Variants in PRDM4 observed in about 807,000 individuals in gnomAD.
The protein encoded by PRDM4 is PR domain zinc finger protein 4.
PRDM4 carries 38 observed loss-of-function variants against 62.3 expected under a neutral mutation model. The observed-to-expected ratio is 0.61, with a 90% CI of 0.47 to 0.80. The LOEUF (loss-of-function observed/expected upper bound fraction) is 0.80, where lower values mean the gene tolerates loss of function less well. PRDM4 is among the 30% of genes least tolerant of loss of function. The probability of loss-of-function intolerance (pLI) is 0.00; values close to 1 mark genes in which losing one functional copy is unlikely to be tolerated. For missense variants in PRDM4, 858 were observed against 997.1 expected (o/e 0.86, Z 1.88); for synonymous variants, 339 against 348.2 (o/e 0.97, Z 0.30).
chr12:107,737,917 G>A (rs1470669889), intron 11 of PRDM4: 1 of 152,238 alleles, frequency 6.6e-6, no homozygotes, highest in African/African-American at 2.4e-5. Flanking sequence ...AAGGCAATTA[G>A]GGTTAGATGA....
intron 4 of PRDM4, among the ~76,000 whole-genome samples, chr12:107,753,263 G>A (rs1318775591): frequency 6.6e-6 from 1 of 152,048 alleles, no homozygotes; most frequent in Non-Finnish European, 1.5e-5. Context: ...TCTCAAGGCA[G>A]GCATGTGCCT....
intron 9 of PRDM4, 25 bp downstream of exon 9, chr12:107,742,196 T>G (rs764286171): frequency 6.3e-7 from 1 of 1,597,626 alleles, no homozygotes; most frequent in East Asian, 2.2e-5. Context: ...TAAGCCAGAT[T>G]CATTATAAAC....
At chr12:107,755,812 C>T (rs991400378) in intron 3 of PRDM4, among the ~76,000 whole-genome samples, 4 of 152,164 alleles carry the variant, frequency 2.6e-5, no homozygotes, top group South Asian at 2.1e-4. Context: ...ACGGCTGGCG[C>T]GGTGGCTCAC....
intron 9 of PRDM4, 125 bp from the exon 10 acceptor site, chr12:107,741,385 A>C (rs1184215504): frequency 1.1e-6 from 1 of 893,806 alleles, no homozygotes; most frequent in Admixed American, 2.8e-5. Context: ...CTTCCTATAA[A>C]ACTAAAATAA....
intron 5 of PRDM4, among the ~76,000 whole-genome samples, chr12:107,748,556 C>A (rs899936575): frequency 1.3e-5 from 2 of 152,090 alleles, no homozygotes; most frequent in Admixed American, 1.3e-4. Context: ...CAGTATTATG[C>A]GAAGAGAAAG....
At chr12:107,736,999 A>G (rs1890354208) in intron 11 of PRDM4, 1 of 152,312 alleles carries the variant, frequency 6.6e-6, no homozygotes, top group Non-Finnish European at 1.5e-5. Context: ...CCTAGCGAAC[A>G]TCCAGCATCA....
rs1890909885 is a variant in PRDM4 at position 107,751,971 on chromosome 12, T to C, written c.570A>G (p.Thr190=). The change falls in exon 5 of 12, where the codon ACA becomes ACG. Residue 190 remains threonine, a synonymous_variant. Coordinates refer to ENST00000228437, the MANE Select transcript of PRDM4 (RefSeq NM_012406.4). ...TAGAAACGTTCTCCATAGTGATTGC[T>C]GTGTCCAAGGCCACCTCATGGCCAT... ...PSDGHEVALD[T]AITMENVSRV... is the part of the protein sequence containing the mutation. 6.2e-7 allele frequency: 1 copy of C among 1,614,264 alleles called. No homozygotes were observed. Among genetic ancestry groups the C allele is most frequent in the Non-Finnish European group, 8.5e-7 (1 of 1,180,050 alleles).
At chr12:107,759,531 G>C (rs1392530611) in intron 2 of PRDM4, among the ~76,000 whole-genome samples, 1 of 152,020 alleles carries the variant, frequency 6.6e-6, no homozygotes, top group Non-Finnish European at 1.5e-5. Flanking sequence ...AATCAGCATG[G>C]TGTTTCTAGG....
intron 3 of PRDM4, 32 bp from the exon 4 acceptor site, chr12:107,754,141 A>G: frequency 6.7e-7 from 1 of 1,496,068 alleles, no homozygotes. Flanking sequence ...CTCAGTTAAA[A>G]GAAAATAGGT....
At chr12:107,742,849 G>C (rs557109332) in intron 8 of PRDM4, among the ~76,000 whole-genome samples, 1 of 147,006 alleles carries the variant, frequency 6.8e-6, no homozygotes, top group African/African-American at 2.5e-5. Context: ...ATCACAGCTT[G>C]AACTCTTCAG....
chr12:107,740,982 G>C lies in PRDM4; in HGVS notation c.1888C>G (p.Pro630Ala). 1 of 1,614,116 alleles carries C rather than the reference G, an allele frequency of 6.2e-7. No homozygotes were observed. Among genetic ancestry groups the C allele is most frequent in the Non-Finnish European group, 8.5e-7 (1 of 1,179,982 alleles). Reference protein sequence around the residue: ...CDFCSKAFSDPSNLRTHLKIH... With the variant: ...CDFCSKAFSDASNLRTHLKIH... Reference sequence around the variant, plus strand: ...TTGAGGTGGGTCCGCAGGTTGCTGGGATCACTAAAAGCCTTGCTACAGAAA... The same window carrying C: ...TTGAGGTGGGTCCGCAGGTTGCTGGCATCACTAAAAGCCTTGCTACAGAAA... Residue 630 changes from proline to alanine, a missense_variant, in exon 10 of 12, where the codon CCC (proline) becomes GCC (alanine). Pro to Ala is a conservative substitution (Grantham distance 27). Transcript: ENST00000228437.
At chr12:107,744,784 G>C in intron 6 of PRDM4, 123 bp from the exon 7 acceptor site, 1 of 1,356,990 alleles carries the variant, frequency 7.4e-7, no homozygotes, top group Non-Finnish European at 9.9e-7. Context: ...TGTAGGCTGG[G>C]CGTGGTGGCT....
At chr12:107,748,605 T>C (rs1306522445) in intron 5 of PRDM4, among the ~76,000 whole-genome samples, 1 of 152,222 alleles carries the variant, frequency 6.6e-6, no homozygotes, top group African/African-American at 2.4e-5. Flanking sequence ...ATGATTCCAT[T>C]TATATGAAAT....
At chr12:107,736,846 G>A (rs975122066) in intron 11 of PRDM4, 10 of 152,246 alleles carry the variant, frequency 6.6e-5, no homozygotes, top group African/African-American at 2.4e-4. Context: ...AGGAAAAACT[G>A]AGTTGAGAAT....
chr12:107,741,083 G>C lies in PRDM4; in HGVS notation c.1787C>G (p.Pro596Arg). 6.2e-7 allele frequency: 1 copy of C among 1,614,108 alleles called. No homozygotes were observed. Among genetic ancestry groups the C allele is most frequent in the Non-Finnish European group, 8.5e-7 (1 of 1,180,020 alleles). ...TTTGGAAGGAGAGATAAAAGCTTGG[G>C]GGCACATTGAGCACTTCCACTTCCT... ...KERKWKCSMC[P>R]QAFISPSKLH... The change falls in exon 10 of 12, where the codon CCC becomes CGC. Residue 596 changes from proline (P) to arginine (R), a missense_variant. Pro to Arg is a moderately radical substitution (Grantham distance 103, BLOSUM62 -2). Around this residue, in one of 3 missense-constraint regions of PRDM4, gnomAD observed 355 missense variants for 432.6 expected, o/e 0.82. Coordinates refer to ENST00000228437, the MANE Select transcript of PRDM4 (RefSeq NM_012406.4).
chr12:107,736,582 A>C (rs960737900), intron 11 of PRDM4: 1 of 152,216 alleles, frequency 6.6e-6, no homozygotes, highest in African/African-American at 2.4e-5. Context: ...TGCTGTAAAA[A>C]GCTTTTAACA....
At chr12:107,747,979 A>G (rs1438667690) in intron 5 of PRDM4, among the ~76,000 whole-genome samples, 2 of 152,034 alleles carry the variant, frequency 1.3e-5, no homozygotes, top group African/African-American at 4.8e-5. Flanking sequence ...TCTCGAACGC[A>G]TGAGACCAGG....
Position 107,756,949 on chromosome 12 carries a change from G to A in PRDM4, c.28C>T (p.Leu10=), listed in dbSNP as rs1276946685. 1.9e-6 allele frequency: 3 copies of A among 1,614,072 alleles called. No homozygotes were observed. The highest frequency in any genetic ancestry group is 4.5e-5 in the East Asian group (2 of 44,892). The part of the protein sequence containing the change: MHHRMNEMN[L]SPVGMEQLTS... ...AGCTGCTCCATCCCCACTGGACTCA[G>A]GTTCATTTCATTCATCCTAGAAAAG... Residue 10 remains leucine, a synonymous_variant, in exon 3 of 12, where the codon CTG becomes TTG. Coordinates refer to ENST00000228437, the MANE Select transcript of PRDM4 (RefSeq NM_012406.4).
At position 107,734,027 on chromosome 12, in the gene PRDM4, C is replaced by A; in HGVS notation, c.*183G>T. The A allele has an allele frequency of 3.3e-6, 2 of 608,764 alleles. No homozygotes were observed. Among genetic ancestry groups the A allele is most frequent in the Admixed American group, 3.5e-5 (1 of 28,498 alleles). The allele number at this position is 608,764 out of a possible 1,614,324, so 37.7% of individuals were successfully genotyped here. On this transcript the variant is annotated 3_prime_UTR_variant, in exon 12 of 12. Transcript: ENST00000228437. ...AGGACACATGCTCAGTTTTCCCAAT[C>A]TGTTTTAAAGTGTTTTCATTAGGAT...
Sources: gnomAD v4.1 joint callset for allele counts (sites outside exome capture counted in the v4.1 genomes callset) on GRCh38, gnomAD v4.1.1 for gene constraint, gnomAD v4.1.1 regional missense constraint, MANE v1.5 for transcripts, NCBI Gene and HGNC (gene_info 2026-07-23, HGNC 2026-07-21) for gene names.